Variants in CAP2 observed in about 807,000 individuals in gnomAD.
CAP2 encodes the protein cyclase associated actin cytoskeleton regulatory protein 2.
A neutral mutation model predicts 57.7 loss-of-function variants in CAP2; 24 were observed. The observed-to-expected ratio is 0.42, with a 90% CI of 0.30 to 0.58. The LOEUF (loss-of-function observed/expected upper bound fraction) is 0.58, where lower values mean the gene tolerates loss of function less well. CAP2 is among the 20% of genes least tolerant of loss of function. The pLI, the probability that CAP2 is intolerant of heterozygous loss-of-function variation, is 0.22. For synonymous variants in CAP2, 194 were observed against 207.2 expected (o/e 0.94, Z 0.55); for missense variants, 501 against 590.3 (o/e 0.85, Z 1.57).
At chr6:17,501,707 A>C (rs181277076) in intron 4 of CAP2, among the ~76,000 whole-genome samples, 1 of 152,342 alleles carries the variant, frequency 6.6e-6, no homozygotes. Context: ...TTACTTTTGC[A>C]AAACAATTCC....
intron 9 of CAP2, 55 bp from the exon 10 acceptor site, chr6:17,542,782 G>A: frequency 7.1e-7 from 1 of 1,413,800 alleles, no homozygotes; most frequent in South Asian, 1.2e-5. Context: ...TCAGTGTGCA[G>A]TGGTTTCTGT....
intron 4 of CAP2, among the ~76,000 whole-genome samples, chr6:17,497,638 A>G (rs1279177170): frequency 1.3e-5 from 2 of 152,222 alleles, no homozygotes; most frequent in Admixed American, 6.5e-5. Context: ...TGCCCCTGCC[A>G]TGAATCCAGC....
intron 7 of CAP2, among the ~76,000 whole-genome samples, chr6:17,517,671 C>T (rs935820170): frequency 2.0e-5 from 3 of 152,086 alleles, no homozygotes; most frequent in Non-Finnish European, 4.4e-5. Flanking sequence ...AAGGCTGAGG[C>T]AGGTGGATCA....
intron 11 of CAP2, among the ~76,000 whole-genome samples, chr6:17,549,611 GC>G (rs1156551319): frequency 6.6e-6 from 1 of 152,184 alleles, no homozygotes; most frequent in African/African-American, 2.4e-5. Flanking sequence ...AAGTATAGAT[GC>G]CAGTTAATAC....
chr6:17,433,136 T>C (rs1759785952), intron 3 of CAP2, among the ~76,000 whole-genome samples: 1 of 152,162 alleles, frequency 6.6e-6, no homozygotes, highest in South Asian at 2.1e-4. Flanking sequence ...TCTGTCACCT[T>C]GGCAGGCACC....
At chr6:17,438,313 C>T (rs1759958587) in intron 3 of CAP2, among the ~76,000 whole-genome samples, 1 of 149,894 alleles carries the variant, frequency 6.7e-6, no homozygotes, top group African/African-American at 2.5e-5. Flanking sequence ...TTGCAGTGGG[C>T]CGAGATCGTG....
In CAP2 at chr6:17,469,589, T is replaced by C. The variant is rs1426523687; in HGVS notation, c.300+6516T>C. Among the ~76,000 whole-genome samples, 6 of 152,272 alleles carry C rather than the reference T, an allele frequency of 3.9e-5. No homozygotes were observed. The East Asian group carries it at 1.2e-3, about 29-fold the overall frequency. Reference sequence around the variant, plus strand: ...GAAGTCTGAGTTCTGTATTCCTCCATAAGGGGGAGAGAGAGAGACAGAGAG... The same window carrying C: ...GAAGTCTGAGTTCTGTATTCCTCCACAAGGGGGAGAGAGAGAGACAGAGAG... On this transcript the variant is annotated intron_variant, in intron 4 of 12. Transcript: ENST00000229922.
chr6:17,521,290 G>A (rs879542275), intron 7 of CAP2, among the ~76,000 whole-genome samples: 1 of 152,120 alleles, frequency 6.6e-6, no homozygotes, highest in Non-Finnish European at 1.5e-5. Flanking sequence ...AAGGTGGCGG[G>A]TGCCTGTAGT....
At chr6:17,448,161 T>C (rs1014192112) in intron 3 of CAP2, among the ~76,000 whole-genome samples, 2 of 152,254 alleles carry the variant, frequency 1.3e-5, no homozygotes, top group Non-Finnish European at 2.9e-5. Flanking sequence ...TAATGCTTAG[T>C]GTCACAGTGG....
chr6:17,543,011 T>G, intron 10 of CAP2, 50 bp from the exon 11 acceptor site: 1 of 1,612,348 alleles, frequency 6.2e-7, no homozygotes, highest in African/African-American at 1.3e-5. Context: ...ATAAACAAGC[T>G]GTATGTATTT....
At chr6:17,402,855 A>G (rs1758851829) in intron 1 of CAP2, among the ~76,000 whole-genome samples, 1 of 152,238 alleles carries the variant, frequency 6.6e-6, no homozygotes, top group African/African-American at 2.4e-5. Context: ...GATGACCCAG[A>G]TGAATAAGTA....
chr6:17,485,286 G>T (rs1000580297), intron 4 of CAP2, among the ~76,000 whole-genome samples: 1 of 152,116 alleles, frequency 6.6e-6, no homozygotes, highest in Admixed American at 6.5e-5. Context: ...GCTAGAGTGC[G>T]TGCATAGTAA....
chr6:17,505,670 G>C (rs1761961846), intron 4 of CAP2, among the ~76,000 whole-genome samples: 2 of 152,164 alleles, frequency 1.3e-5, no homozygotes, highest in African/African-American at 4.8e-5. Context: ...CTCTTTAACT[G>C]CTTCCACAGA....
At chr6:17,398,246 A>G (rs1758719754) in intron 1 of CAP2, among the ~76,000 whole-genome samples, 1 of 152,202 alleles carries the variant, frequency 6.6e-6, no homozygotes, top group Non-Finnish European at 1.5e-5. Context: ...ATCAAAGTAC[A>G]TGAATAGTTA....
intron 4 of CAP2, among the ~76,000 whole-genome samples, chr6:17,469,317 T>C (rs931047051): frequency 2.6e-5 from 4 of 152,202 alleles, no homozygotes; most frequent in African/African-American, 9.6e-5. Context: ...CAGCAGGCTT[T>C]CTGCTGCCTT....
At chr6:17,402,297 T>C (rs1758838549) in intron 1 of CAP2, among the ~76,000 whole-genome samples, 1 of 152,212 alleles carries the variant, frequency 6.6e-6, no homozygotes, top group South Asian at 2.1e-4. Context: ...ATGGTTTATG[T>C]CTAACCCATT....
chr6:17,430,508 A>G (rs1189784722), intron 3 of CAP2, among the ~76,000 whole-genome samples: 3 of 151,248 alleles, frequency 2.0e-5, no homozygotes, highest in Non-Finnish European at 2.9e-5. Context: ...GTTGGACATC[A>G]TTTATCCATA....
rs147464889 is a variant in CAP2 at position 17,497,173 on chromosome 6, G to A, written c.301-9996G>A. On this transcript the variant is annotated intron_variant, in intron 4 of 12. Coordinates refer to ENST00000229922, the MANE Select transcript of CAP2 (RefSeq NM_006366.3). ...TATACATTGTCATAGATTTTATAAA[G>A]CTGATGAATTCGATTGGTTTCAGCA... Among the ~76,000 whole-genome samples, 5 of 152,252 alleles carry A rather than the reference G, an allele frequency of 3.3e-5. No individual in the cohort carries two copies. In the East Asian group the frequency reaches 7.7e-4, roughly 23 times the overall value.
At chr6:17,441,445 A>C (rs1396879020) in intron 3 of CAP2, among the ~76,000 whole-genome samples, 1 of 151,664 alleles carries the variant, frequency 6.6e-6, no homozygotes, top group African/African-American at 2.4e-5. Flanking sequence ...TACACAGTAC[A>C]TAGGCTTATT....
Sources: gnomAD v4.1 joint callset for allele counts (sites outside exome capture counted in the v4.1 genomes callset) on GRCh38, gnomAD v4.1.1 for gene constraint, MANE v1.5 for transcripts, NCBI Gene and HGNC (gene_info 2026-07-23, HGNC 2026-07-21) for gene names.